The following EPOR variants were observed in gnomAD, a reference collection of about 807,000 sequenced individuals.
EPOR encodes erythropoietin receptor.
EPOR carries 20 observed loss-of-function variants against 34.3 expected under a neutral mutation model. The observed-to-expected ratio is 0.58, with a 90% confidence interval of 0.41 to 0.85. The LOEUF (loss-of-function observed/expected upper bound fraction) is 0.85, where lower values mean the gene tolerates loss of function less well. Among genes scored for constraint, EPOR ranks in the 40% least tolerant of loss-of-function variants. The pLI, the probability that EPOR is intolerant of heterozygous loss-of-function variation, is 0.00. For missense variants in EPOR, 601 were observed against 672.7 expected, an observed-to-expected ratio of 0.89 and a Z score of 1.18; for synonymous variants, 312 against 299.0, an observed-to-expected ratio of 1.04 and a Z score of -0.45.
chr19:11,381,075 C>T lies in EPOR; in HGVS notation c.720G>A (p.Val240=). 6.2e-7 allele frequency: 1 copy of T among 1,602,198 alleles called. No individual in the cohort carries two copies. Among genetic ancestry groups the T allele is most frequent in the South Asian group, 1.1e-5 (1 of 89,068 alleles). The stretch of plus-strand genomic sequence containing the variant: ...CCTCACCGCTAGGCGTCAGCAGCGA[C>T]ACAGGCTCCGACCAGGCGCTCCAGA... ...GGFWSAWSEP[V]SLLTPSDLDP... The change falls in exon 5 of 8, where the codon GTG becomes GTA. Residue 240 remains valine (V), a synonymous_variant. Transcript: ENST00000222139. This position sits in a 1 kb window ranked among gnomAD's most constrained non-coding sequence, Gnocchi z 5.3.
Position 11,383,020 on chromosome 19 carries a change from ACG to A in EPOR, c.251+75_251+76del, listed in dbSNP as rs1968384796. ...TCGGGCCTCAAACAGCAGGGGACAT[ACG>A]AGGCTACGACCTCCAGGGAGCTCTG... On this transcript the variant is annotated intron_variant, in intron 2 of 7. Coordinates refer to ENST00000222139, the MANE Select transcript of EPOR (RefSeq NM_000121.4). The surrounding 1 kb of genome is among the most constrained non-coding windows in gnomAD (Gnocchi z 4.9). The A allele has an allele frequency of 3.1e-6, 5 of 1,607,438 alleles. No homozygotes were observed. The African/African-American group carries it at 4.0e-5, about 13-fold the overall frequency.
At chr19:11,384,039 CCA>C in intron 1 of EPOR, 52 bp downstream of exon 1, 1 of 1,240,166 alleles carries the variant, frequency 8.1e-7, no homozygotes, top group Non-Finnish European at 1.2e-6. Flanking sequence ...AGTTCAGGCC[CCA>C]GCATGGTCCT....
At position 11,381,598 on chromosome 19, in the gene EPOR, G is replaced by C. The variant is rs1968359471; in HGVS notation, c.585+94C>G. The stretch of plus-strand genomic sequence containing the variant: ...AATGGGATGTGGGATGTTACGGACC[G>C]GCCCTGAAAGCGGCACCGGGCGCGA... On this transcript the variant is annotated intron_variant, in intron 4 of 7. Coordinates refer to ENST00000222139, the MANE Select transcript of EPOR (RefSeq NM_000121.4). The surrounding 1 kb of genome is among the most constrained non-coding windows in gnomAD (Gnocchi z 5.3). 7 of 1,317,354 alleles carry C rather than the reference G, an allele frequency of 5.3e-6. No homozygotes were observed. Among genetic ancestry groups the C allele is most frequent in the African/African-American group, 1.5e-5 (1 of 68,594 alleles). The allele number at this position is 1,317,354 out of a possible 1,614,324, so 81.6% of individuals were successfully genotyped here.
Position 11,378,679 on chromosome 19 carries a change from C to A in EPOR, c.915+12G>T. ...GAAGCCCAGGCACTGAGGGGACAAC[C>A]AGGCCACCTACCTGGAAGTTACCCT... On this transcript the variant is annotated intron_variant, in intron 7 of 7. Coordinates refer to ENST00000222139, the MANE Select transcript of EPOR (RefSeq NM_000121.4). The surrounding 1 kb of genome is among the most constrained non-coding windows in gnomAD (Gnocchi z 5.3). 6.2e-7 allele frequency: 1 copy of A among 1,614,176 alleles called. No individual in the cohort carries two copies. The highest frequency in any genetic ancestry group is 8.5e-7 in the Non-Finnish European group (1 of 1,180,010).
rs150535617 is a variant in EPOR, at chr19:11,377,480, C to G, written c.*504G>C. 1 of 454,078 alleles carries G rather than the reference C, an allele frequency of 2.2e-6. No homozygotes were observed. The highest frequency in any genetic ancestry group is 4.4e-6 in the Non-Finnish European group (1 of 226,820). 28.1% of individuals were successfully genotyped at this position (454,078 alleles called of 1,614,324 possible). A position where few individuals can be genotyped will look rare whatever the true frequency, so the allele number is the denominator to read the frequency against. On this transcript the variant is annotated 3_prime_UTR_variant, in exon 8 of 8. Transcript: ENST00000222139. ...TAGAACAGGGGATCCATCTAAGTAC[C>G]CTAAGAGAAGGTAGAGCTACAGACT...
In EPOR at chr19:11,383,860, C is replaced by A. The variant is rs1385028935; in HGVS notation, c.115+233G>T. On this transcript the variant is annotated intron_variant, in intron 1 of 7. Transcript: ENST00000222139. The surrounding 1 kb of genome is among the most constrained non-coding windows in gnomAD (Gnocchi z 4.9). ...GAAAAGGTAAAACGGGAATGTTAAG[C>A]CCACTCTAGCTCTTGCCCGGGACGC... Among the ~76,000 whole-genome samples, 1 of 151,626 alleles carries A rather than the reference C, an allele frequency of 6.6e-6. No individual in the cohort carries two copies. The highest frequency in any genetic ancestry group is 1.5e-5 in the Non-Finnish European group (1 of 67,946).
rs1196506397 is a variant in EPOR at position 11,381,435 on chromosome 19, A to C, written c.586-226T>G. ...CGGGCAATTTAATATCTGGGCTAGC[A>C]CTCGTAGAGGGACCCGGGCGCTAAA... On this transcript the variant is annotated intron_variant, in intron 4 of 7. Coordinates refer to ENST00000222139, the MANE Select transcript of EPOR (RefSeq NM_000121.4). This position sits in a 1 kb window ranked among gnomAD's most constrained non-coding sequence, Gnocchi z 5.3. 1 of 667,202 alleles carries C rather than the reference A, an allele frequency of 1.5e-6. No individual in the cohort carries two copies. Among genetic ancestry groups the C allele is most frequent in the African/African-American group, 1.8e-5 (1 of 55,232 alleles). The allele number at this position is 667,202 out of a possible 1,614,324, so 41.3% of individuals were successfully genotyped here. A position where few individuals can be genotyped will look rare whatever the true frequency, so the allele number is the denominator to read the frequency against.
chr19:11,380,668 T>G (rs1389644435), intron 6 of EPOR, among the ~76,000 whole-genome samples: 2 of 152,160 alleles, frequency 1.3e-5, no homozygotes, highest in African/African-American at 4.8e-5. Context: ...CAGCCCCTGA[T>G]GTAGAAGGAA....
chr19:11,380,825 G>T, intron 6 of EPOR, 59 bp downstream of exon 6: 2 of 1,368,824 alleles, frequency 1.5e-6, no homozygotes, highest in Non-Finnish European at 2.0e-6. Context: ...GGTTTCCATA[G>T]TGAAAGAGGA....
chr19:11,382,459 G>T (rs1968376013), intron 2 of EPOR, among the ~76,000 whole-genome samples: 2 of 151,858 alleles, frequency 1.3e-5, no homozygotes, highest in South Asian at 4.2e-4. Flanking sequence ...CGCCTCCCGG[G>T]TTCAAGCGAT....
At chr19:11,382,696 G>A (rs1255185403) in intron 2 of EPOR, 8 of 612,560 alleles carry the variant, frequency 1.3e-5, no homozygotes, top group Non-Finnish European at 1.9e-5. Flanking sequence ...ATCTCGCTGT[G>A]TTGCCCAGGC....
chr19:11,381,808 C>T lies in EPOR; in HGVS notation c.469G>A (p.Asp157Asn), dbSNP rs761747539. ...CGCAACACTACGTGGCCGCTCTCGT[C>T]AGCCAACCGCGCCACCAGCCCCACG... ...APVGLVARLA[D>N]ESGHVVLRWL... is the part of the protein sequence containing the mutation. Residue 157 changes from aspartate to asparagine, a missense_variant, in exon 4 of 8, where the codon GAC becomes AAC. By Grantham distance (23) the Asp-to-Asn change is conservative. Coordinates refer to ENST00000222139, the MANE Select transcript of EPOR (RefSeq NM_000121.4). The surrounding 1 kb of genome is among the most constrained non-coding windows in gnomAD (Gnocchi z 5.3). 14 of 1,613,882 alleles carry T rather than the reference C, an allele frequency of 8.7e-6. No homozygotes were observed. The South Asian group carries it at 1.5e-4, about 18-fold the overall frequency.
intron 6 of EPOR, among the ~76,000 whole-genome samples, chr19:11,379,179 ATAAAT>A (rs1968323577): frequency 6.6e-6 from 1 of 151,968 alleles, no homozygotes; most frequent in East Asian, 2.0e-4. Flanking sequence ...ATAAAATAAA[ATAAAT>A]TAAAAAACCC....
At position 11,383,984 on chromosome 19, in the gene EPOR, T is replaced by C. The variant is rs530876130; in HGVS notation, c.115+109A>G. The C allele has an allele frequency of 2.2e-5, 12 of 541,390 alleles. No homozygotes were observed. Among genetic ancestry groups the C allele is most frequent in the South Asian group, 1.7e-4 (11 of 65,490 alleles). 33.5% of individuals were successfully genotyped at this position (541,390 alleles called of 1,614,324 possible). A position where few individuals can be genotyped will look rare whatever the true frequency, so the allele number is the denominator to read the frequency against. On this transcript the variant is annotated intron_variant, in intron 1 of 7. Transcript: ENST00000222139. This position sits in a 1 kb window ranked among gnomAD's most constrained non-coding sequence, Gnocchi z 4.9. ...TGCCAGCTTGGCCCCCAGGACCCGG[T>C]CAGGAAGTCCAGAAACAGGCATGGC...
In EPOR at chr19:11,383,491, C is replaced by T. The variant is rs1306923269; in HGVS notation, c.116-259G>A. 2 of 423,186 alleles carry T rather than the reference C, an allele frequency of 4.7e-6. No homozygotes were observed. Among genetic ancestry groups the T allele is most frequent in the South Asian group, 7.7e-5 (2 of 26,094 alleles). The allele number at this position is 423,186 out of a possible 1,614,324, so 26.2% of individuals were successfully genotyped here. A position where few individuals can be genotyped will look rare whatever the true frequency, so the allele number is the denominator to read the frequency against. ...ACCCAGCGGCCAGCTGAGCTGGGCG[C>T]GGCGTTCAAGACCTCGAGCTCGGGA... is the stretch of plus-strand genomic sequence containing the variant. On this transcript the variant is annotated intron_variant, in intron 1 of 7. Transcript: ENST00000222139. The surrounding 1 kb of genome is among the most constrained non-coding windows in gnomAD (Gnocchi z 4.9).
rs368098451 is a variant in EPOR at position 11,381,011 on chromosome 19, C to T, written c.740-40G>A. 1 of 1,566,434 alleles carries T rather than the reference C, an allele frequency of 6.4e-7. No homozygotes were observed. Among genetic ancestry groups the T allele is most frequent in the Non-Finnish European group, 8.7e-7 (1 of 1,155,090 alleles). ...GGAGGTCAGGGCGGTGGGCTTGCCC[C>T]GTGATTCGCCCTGGCTCCTCCTACA... On this transcript the variant is annotated intron_variant, in intron 5 of 7. Transcript: ENST00000222139. This position sits in a 1 kb window ranked among gnomAD's most constrained non-coding sequence, Gnocchi z 5.3.
At position 11,383,819 on chromosome 19, in the gene EPOR, A is replaced by C. The variant is rs1241435971; in HGVS notation, c.115+274T>G. Among the ~76,000 whole-genome samples the C allele has an allele frequency of 6.7e-6, 1 of 149,172 alleles. No homozygotes were observed. The highest frequency in any genetic ancestry group is 2.5e-5 in the African/African-American group (1 of 40,202). On this transcript the variant is annotated intron_variant, in intron 1 of 7. Coordinates refer to ENST00000222139, the MANE Select transcript of EPOR (RefSeq NM_000121.4). The surrounding 1 kb of genome is among the most constrained non-coding windows in gnomAD (Gnocchi z 4.9). ...CAAGTCAGCCCCCTTAGGATTTAGC[A>C]TGTCCCAGACTCCCTGAAAAGGTAA...
In EPOR at chr19:11,378,849, C is replaced by T. The variant is rs1968319604; in HGVS notation, c.828-71G>A. On this transcript the variant is annotated intron_variant, in intron 6 of 7. Transcript: ENST00000222139. The surrounding 1 kb of genome is among the most constrained non-coding windows in gnomAD (Gnocchi z 5.3). ...TACTCACCAATTCCCCCTCCACTCC[C>T]AGTCATAGAGGCACAGATACACTTG... is the stretch of plus-strand genomic sequence containing the variant. The T allele has an allele frequency of 6.9e-7, 1 of 1,447,204 alleles. No individual in the cohort carries two copies. Among genetic ancestry groups the T allele is most frequent in the Non-Finnish European group, 9.6e-7 (1 of 1,038,772 alleles). The allele number at this position is 1,447,204 out of a possible 1,614,324, so 89.6% of individuals were successfully genotyped here.
rs747944873 is a variant in EPOR at position 11,381,988 on chromosome 19, G to T, written c.369C>A (p.Arg123=). Residue 123 remains arginine (R), a synonymous_variant, in exon 3 of 8, where the codon CGC becomes CGA. Coordinates refer to ENST00000222139, the MANE Select transcript of EPOR (RefSeq NM_000121.4). This position sits in a 1 kb window ranked among gnomAD's most constrained non-coding sequence, Gnocchi z 5.3. The part of the protein sequence containing the change: ...DTSSFVPLEL[R]VTAASGAPRY... Reference sequence around the variant, plus strand: ...GCGGAGCGCCGGAGGCTGCTGTGACGCGCAACTCTAGGGGCACGAAGCTCG... The same window carrying T: ...GCGGAGCGCCGGAGGCTGCTGTGACTCGCAACTCTAGGGGCACGAAGCTCG... 1 of 1,614,224 alleles carries T rather than the reference G, an allele frequency of 6.2e-7. No individual in the cohort carries two copies. The highest frequency in any genetic ancestry group is 2.2e-5 in the East Asian group (1 of 44,888).
Sources: allele counts gnomAD v4.1 joint callset (sites outside exome capture counted in the v4.1 genomes callset), GRCh38; gene constraint gnomAD v4.1.1; non-coding constraint Gnocchi (gnomAD v3.1); transcripts MANE v1.5; gene names NCBI Gene and HGNC (gene_info 2026-07-23, HGNC 2026-07-21).